AP4E1: variants seen among roughly 807,000 people sequenced by gnomAD.
AP4E1 encodes the protein adaptor related protein complex 4 subunit epsilon 1, also known as AP-4 complex subunit epsilon-1.
In AP4E1, 56 loss-of-function variants were observed where a neutral mutation model predicts 128.2. That is an observed-to-expected ratio of 0.44 (90% CI 0.35 to 0.55). The LOEUF is 0.55. Among genes scored for constraint, AP4E1 ranks in the 20% least tolerant of loss-of-function variants. AP4E1 has a pLI of 0.00. For synonymous variants in AP4E1, 484 were observed against 473.1 expected (o/e 1.02, Z -0.30); for missense variants, 1,324 against 1,307.7 (o/e 1.01, Z -0.19).
At chr15:50,966,812 C>T (rs1175703836) in intron 14 of AP4E1, among the ~76,000 whole-genome samples, 1 of 152,236 alleles carries the variant, frequency 6.6e-6, no homozygotes, top group African/African-American at 2.4e-5. Context: ...GCTGGGATTA[C>T]AGGCGTGAGC....
intron 7 of AP4E1, among the ~76,000 whole-genome samples, chr15:50,931,952 C>CTA (rs140730689): frequency 3.7e-4 from 56 of 150,486 alleles, no homozygotes; most frequent in African/African-American, 8.3e-4. Flanking sequence ...ATCTTTCCAA[C>CTA]TATATATATA....
intron 16 of AP4E1, among the ~76,000 whole-genome samples, chr15:50,985,336 G>T (rs1284008922): frequency 6.6e-6 from 1 of 152,120 alleles, no homozygotes; most frequent in African/African-American, 2.4e-5. Flanking sequence ...TGTCAATTTT[G>T]GCTTTTGTTG....
At chr15:50,919,682 G>A (rs1326499129) in intron 3 of AP4E1, among the ~76,000 whole-genome samples, 1 of 152,004 alleles carries the variant, frequency 6.6e-6, no homozygotes, top group Non-Finnish European at 1.5e-5. Context: ...TGAGACTCAT[G>A]ATCTTTAGGA....
chr15:50,912,052 G>A (rs2063572551), intron 1 of AP4E1, 26 bp from the exon 2 acceptor site: 1 of 1,560,882 alleles, frequency 6.4e-7, no homozygotes, highest in Non-Finnish European at 8.8e-7. Context: ...AGTTAATCAA[G>A]CATTTAAATA....
At chr15:50,942,164 GC>G (rs749763953) in intron 10 of AP4E1, among the ~76,000 whole-genome samples, 6 of 152,140 alleles carry the variant, frequency 3.9e-5, no homozygotes, top group Admixed American at 6.6e-5. Flanking sequence ...TGATCTGCCT[GC>G]CTTGGCCTCC....
intron 3 of AP4E1, among the ~76,000 whole-genome samples, chr15:50,919,843 T>A (rs1408245419): frequency 6.6e-6 from 1 of 151,390 alleles, no homozygotes; most frequent in Non-Finnish European, 1.5e-5. Context: ...GTGAGAGGCT[T>A]AGGTGGGCAG....
intron 15 of AP4E1, among the ~76,000 whole-genome samples, chr15:50,981,284 C>T (rs1207500306): frequency 6.6e-6 from 1 of 152,150 alleles, no homozygotes; most frequent in Non-Finnish European, 1.5e-5. Flanking sequence ...AAAGGTGGGA[C>T]GTGGAGTCAA....
intron 3 of AP4E1, 60 bp from the exon 4 acceptor site, chr15:50,923,871 T>G: frequency 7.7e-7 from 1 of 1,292,210 alleles, no homozygotes; most frequent in South Asian, 1.2e-5. Flanking sequence ...TTTGTTTAAC[T>G]TCGTGTGAAA....
At chr15:51,000,227 G>A (rs1284965865) in intron 19 of AP4E1, among the ~76,000 whole-genome samples, 3 of 144,334 alleles carry the variant, frequency 2.1e-5, no homozygotes, top group Non-Finnish European at 3.0e-5. Context: ...CTGTAGCCTC[G>A]ACCTCCCAGG....
intron 5 of AP4E1, among the ~76,000 whole-genome samples, chr15:50,928,745 A>G (rs934672375): frequency 1.3e-5 from 2 of 149,788 alleles, no homozygotes; most frequent in Non-Finnish European, 3.0e-5. Context: ...AAAGTAATAT[A>G]TGCTTGTTAC....
intron 5 of AP4E1, among the ~76,000 whole-genome samples, chr15:50,927,463 A>G (rs2063782278): frequency 6.6e-6 from 1 of 151,154 alleles, no homozygotes; most frequent in South Asian, 2.1e-4. Context: ...CTCTCGTCTT[A>G]TGTTAGTACC....
intron 10 of AP4E1, among the ~76,000 whole-genome samples, chr15:50,943,637 A>G (rs2064017618): frequency 6.6e-6 from 1 of 152,210 alleles, no homozygotes; most frequent in Non-Finnish European, 1.5e-5. Context: ...TGACTTAGGT[A>G]CAGTTTTTTC....
chr15:50,932,227 C>T (rs1251443807), intron 7 of AP4E1, among the ~76,000 whole-genome samples: 1 of 152,156 alleles, frequency 6.6e-6, no homozygotes, highest in African/African-American at 2.4e-5. Context: ...GATCTCCCTG[C>T]CTCAGCCTCC....
chr15:50,909,334 GT>G (rs1422023306), intron 1 of AP4E1, among the ~76,000 whole-genome samples: 1 of 152,078 alleles, frequency 6.6e-6, no homozygotes, highest in South Asian at 2.1e-4. Context: ...CTTCCACAAA[GT>G]TTTTTTTCCC....
chr15:50,926,481 G>A (rs1363694168), intron 5 of AP4E1, among the ~76,000 whole-genome samples: 1 of 151,924 alleles, frequency 6.6e-6, no homozygotes, highest in Admixed American at 6.6e-5. Context: ...TGTGATTATG[G>A]TATGTCAGTT....
Position 50,977,706 on chromosome 15 carries a change from G to GTTTTTTTT in AP4E1, c.1967-6303_1967-6296dup, listed in dbSNP as rs1401774266. ...ATCTTTTAATTATCAATCTGTTATG[G>GTTTTTTTT]TTTTTTTTTTTTTTTTTTTTAGACA... On this transcript the variant is annotated intron_variant, in intron 15 of 20. Coordinates refer to ENST00000261842, the MANE Select transcript of AP4E1 (RefSeq NM_007347.5). 1.5e-3 allele frequency among the ~76,000 whole-genome samples: 117 copies of GTTTTTTTT among 80,184 alleles called. 7 individuals are homozygous for GTTTTTTTT. The highest frequency in any genetic ancestry group is 3.3e-3 in the South Asian group (8 of 2,392). 52.6% of individuals were successfully genotyped at this position (80,184 alleles called of 152,430 possible).
intron 5 of AP4E1, among the ~76,000 whole-genome samples, chr15:50,928,738 G>A (rs1439816172): frequency 7.0e-6 from 1 of 143,516 alleles, no homozygotes; most frequent in South Asian, 2.2e-4. Context: ...AATCTCAAAA[G>A]TAATATATGC....
chr15:50,923,552 G>T (rs766721289), intron 3 of AP4E1, among the ~76,000 whole-genome samples: 13 of 152,068 alleles, frequency 8.5e-5, no homozygotes, highest in Admixed American at 2.6e-4. Context: ...TTTTATTATA[G>T]TGATTAGTTT....
chr15:50,915,350 C>A, intron 2 of AP4E1, 98 bp from the exon 3 acceptor site: 2 of 1,255,056 alleles, frequency 1.6e-6, no homozygotes, highest in Non-Finnish European at 2.3e-6. Context: ...TCTTCAGCAC[C>A]AGGATTAAAG....
Sources: gnomAD v4.1 joint callset for allele counts (sites outside exome capture counted in the v4.1 genomes callset) on GRCh38, gnomAD v4.1.1 for gene constraint, MANE v1.5 for transcripts, NCBI Gene and HGNC (gene_info 2026-07-23, HGNC 2026-07-21) for gene names.